The following KCNN1 variants were observed in gnomAD, a reference collection of about 807,000 sequenced individuals.
KCNN1 encodes the protein small conductance calcium-activated potassium channel protein 1.
Under a neutral mutation model 44.7 loss-of-function variants are expected in KCNN1, and 20 were observed. That is an observed-to-expected ratio of 0.45 (90% confidence interval 0.32 to 0.65). The LOEUF (loss-of-function observed/expected upper bound fraction) is 0.65, where lower values mean the gene tolerates loss of function less well. Ranked by LOEUF, KCNN1 falls within the 30% of genes least tolerant of loss-of-function variation. KCNN1 has a pLI of 0.05. For missense variants in KCNN1, 632 were observed against 785.3 expected, an observed-to-expected ratio of 0.80 and a Z score of 2.33; for synonymous variants, 324 against 341.7, an observed-to-expected ratio of 0.95 and a Z score of 0.57.
In KCNN1 at chr19:17,974,173, C is replaced by G; in HGVS notation, c.285C>G (p.His95Gln). 1.2e-6 allele frequency: 2 copies of G among 1,612,458 alleles called. No individual in the cohort carries two copies. The highest frequency in any genetic ancestry group is 1.7e-6 in the Non-Finnish European group (2 of 1,179,848). Reference sequence around the variant, plus strand: ...CAAATGTGGGCCACCGCCTGGGCCACCGGCGGGCGCTCTTCGAGAAGCGGA... The same window carrying G: ...CAAATGTGGGCCACCGCCTGGGCCAGCGGCGGGCGCTCTTCGAGAAGCGGA... ...KPSNVGHRLG[H>Q]RRALFEKRKR... Residue 95 changes from histidine (H) to glutamine (Q), a missense_variant, in exon 2 of 10, where the codon CAC (histidine) becomes CAG (glutamine). Around this residue, in one of 3 missense-constraint regions of KCNN1, gnomAD observed 235 missense variants for 224.0 expected, o/e 1.05. Transcript: ENST00000684775. This position sits in a 1 kb window ranked among gnomAD's most constrained non-coding sequence, Gnocchi z 7.3.
intron 1 of KCNN1, among the ~76,000 whole-genome samples, chr19:17,972,795 A>G (rs914780609): frequency 6.6e-6 from 1 of 152,188 alleles, no homozygotes; most frequent in Non-Finnish European, 1.5e-5. Context: ...TTCTAAGCAT[A>G]CCATTAGCCA....
rs369729099 is a variant in KCNN1, at chr19:17,982,135, C to T, written c.917+8C>T. The T allele has an allele frequency of 9.2e-4, 1,397 of 1,518,036 alleles. 8 individuals carry two copies. In the African/African-American group the frequency reaches 0.013, roughly 14 times the overall value. 94.0% of individuals were successfully genotyped at this position (1,518,036 alleles called of 1,614,324 possible). A position where few individuals can be genotyped will look rare whatever the true frequency, so the allele number is the denominator to read the frequency against. ...CGTGCGCGTCTGCGAGAGGTGCGAC[C>T]GCCGCCCCTGGAGCCCCCCCAGCCC... is the stretch of plus-strand genomic sequence containing the variant. On this transcript the variant is annotated splice_region_variant and intron_variant, in intron 4 of 9. Transcript: ENST00000684775.
chr19:17,985,237 G>A, intron 4 of KCNN1, 75 bp from the exon 5 acceptor site: 1 of 1,431,900 alleles, frequency 7.0e-7, no homozygotes, highest in Non-Finnish European at 9.3e-7. Flanking sequence ...CCCTGGCGCT[G>A]CCCCAGGGGG....
At chr19:17,997,979 G>C (rs1214537229) in intron 9 of KCNN1, among the ~76,000 whole-genome samples, 173 bp from the exon 10 acceptor site, 2 of 151,784 alleles carry the variant, frequency 1.3e-5, no homozygotes, top group Non-Finnish European at 2.9e-5. Context: ...GGCCCAGCAA[G>C]GGACCTCTGG....
chr19:17,952,397 C>G (rs1295991743), intron 1 of KCNN1: 3 of 152,330 alleles, frequency 2.0e-5, no homozygotes, highest in South Asian at 4.1e-4. Flanking sequence ...GTCCCCTTCT[C>G]TTTGGTGGGC....
intron 1 of KCNN1, 130 bp from the exon 2 acceptor site, chr19:17,973,678 G>A: frequency 3.7e-6 from 4 of 1,081,630 alleles, no homozygotes; most frequent in East Asian, 3.0e-5. Flanking sequence ...TTTCTGGGAT[G>A]GTAAACCCAC....
At chr19:17,975,636 G>T (rs1339323588) in intron 3 of KCNN1, among the ~76,000 whole-genome samples, 1 of 151,964 alleles carries the variant, frequency 6.6e-6, no homozygotes, top group African/African-American at 2.4e-5. Context: ...GGCCAGGCTG[G>T]TCTCGAACTC....
chr19:17,998,808 T>G lies in KCNN1; in HGVS notation c.*402T>G. On this transcript the variant is annotated 3_prime_UTR_variant, in exon 10 of 10. Transcript: ENST00000684775. This position sits in a 1 kb window ranked among gnomAD's most constrained non-coding sequence, Gnocchi z 5.4. ...TGAATGTGGGAATCAGAAAAACCTG[T>G]TCCCATCACCGGCCTAGCCTAGAAT... The G allele has an allele frequency of 6.1e-6, 1 of 165,216 alleles. No individual in the cohort carries two copies. Among genetic ancestry groups the G allele is most frequent in the Non-Finnish European group, 1.3e-5 (1 of 76,736 alleles). The allele number at this position is 165,216 out of a possible 1,614,324, so 10.2% of individuals were successfully genotyped here. A position where few individuals can be genotyped will look rare whatever the true frequency, so the allele number is the denominator to read the frequency against.
intron 2 of KCNN1, among the ~76,000 whole-genome samples, chr19:17,958,901 C>T (rs964787071): frequency 4.6e-5 from 7 of 151,456 alleles, no homozygotes; most frequent in Non-Finnish European, 7.4e-5. Context: ...GGGGTTTCAC[C>T]GTGTTAACCA....
At chr19:17,981,484 G>A (rs1358006773) in intron 3 of KCNN1, among the ~76,000 whole-genome samples, 1 of 151,606 alleles carries the variant, frequency 6.6e-6, no homozygotes, top group Non-Finnish European at 1.5e-5. Flanking sequence ...CCCAGGAGGC[G>A]GAGATTGCAG....
At chr19:17,988,906 G>A (rs1187728191) in intron 6 of KCNN1, among the ~76,000 whole-genome samples, 3 of 146,374 alleles carry the variant, frequency 2.0e-5, no homozygotes, top group Non-Finnish European at 4.5e-5. Context: ...GCAAGACTCC[G>A]TTTAAAAAAA....
rs2032421791 is a variant in KCNN1 at position 17,981,846 on chromosome 19, G to T, written c.636G>T (p.Arg212=). The change falls in exon 4 of 10, where the codon CGG becomes CGT. Residue 212 remains arginine, a synonymous_variant. Transcript: ENST00000684775. ...PGHYRFTWTA[R]LAFTYAPSVA... ...ACTACCGCTTCACGTGGACGGCGCG[G>T]CTGGCCTTCACGTACGCGCCCTCGG... The T allele has an allele frequency of 6.2e-6, 10 of 1,612,618 alleles. No homozygotes were observed. The highest frequency in any genetic ancestry group is 7.6e-6 in the Non-Finnish European group (9 of 1,179,338).
In KCNN1 at chr19:17,973,846, C is replaced by T. The variant is rs1377151732; in HGVS notation, c.-43C>T. The T allele has an allele frequency of 1.9e-6, 3 of 1,540,270 alleles. No homozygotes were observed. The East Asian group carries it at 7.3e-5, about 38-fold the overall frequency. ...CCCAGCCGCTGAGCCATGCCGGGCC[C>T]CGGGCGGCCTGCAGCGAGCCCAACC... On this transcript the variant is annotated 5_prime_UTR_variant, in exon 2 of 10. Transcript: ENST00000684775.
At chr19:17,954,872 T>C (rs1351183140) in intron 2 of KCNN1, among the ~76,000 whole-genome samples, 1 of 151,524 alleles carries the variant, frequency 6.6e-6, no homozygotes, top group Admixed American at 6.6e-5. Context: ...ACCCCGTGTC[T>C]ACTAAAAATA....
Position 17,993,582 on chromosome 19 carries a change from G to T in KCNN1, c.1377+23G>T. 6.2e-7 allele frequency: 1 copy of T among 1,610,042 alleles called. No homozygotes were observed. The highest frequency in any genetic ancestry group is 8.5e-7 in the Non-Finnish European group (1 of 1,176,572). On this transcript the variant is annotated intron_variant, in intron 9 of 9. Transcript: ENST00000684775. This position sits in a 1 kb window ranked among gnomAD's most constrained non-coding sequence, Gnocchi z 4.5. The stretch of plus-strand genomic sequence containing the variant: ...AAGGTGAGTGGGTTGGGGCAGGGTG[G>T]GCCAGACAGGGCAGGTGGGGCCCCG...
chr19:17,969,293 A>T (rs2031928281), intron 1 of KCNN1, among the ~76,000 whole-genome samples: 1 of 152,152 alleles, frequency 6.6e-6, no homozygotes, highest in South Asian at 2.1e-4. Context: ...GCACTAATTT[A>T]GTCCCTGCCT....
At chr19:17,977,222 C>T (rs1023467409) in intron 3 of KCNN1, among the ~76,000 whole-genome samples, 9 of 152,110 alleles carry the variant, frequency 5.9e-5, no homozygotes, top group African/African-American at 2.2e-4. Flanking sequence ...TGTGTCACTC[C>T]AATCTCTGCC....
intron 9 of KCNN1, among the ~76,000 whole-genome samples, chr19:17,996,518 G>A (rs1236129883): frequency 6.6e-6 from 1 of 152,124 alleles, no homozygotes; most frequent in Non-Finnish European, 1.5e-5. Context: ...AGGCAGGAGA[G>A]TCGCTTGAAC....
chr19:17,959,169 C>T (rs1348123984), intron 2 of KCNN1, among the ~76,000 whole-genome samples: 4 of 151,872 alleles, frequency 2.6e-5, no homozygotes, highest in African/African-American at 4.8e-5. Flanking sequence ...GGATTATACG[C>T]GTGCGCCACC....
Sources: allele counts gnomAD v4.1 joint callset (sites outside exome capture counted in the v4.1 genomes callset), GRCh38; gene constraint gnomAD v4.1.1; regional missense constraint gnomAD v4.1.1; non-coding constraint Gnocchi (gnomAD v3.1); transcripts MANE v1.5; gene names NCBI Gene and HGNC (gene_info 2026-07-23, HGNC 2026-07-21).